The following ZFAND3 variants were observed in gnomAD, a reference collection of about 807,000 sequenced individuals.
ZFAND3 encodes zinc finger AN1-type containing 3.
ZFAND3 carries 10 observed loss-of-function variants against 29.6 expected under a neutral mutation model. That is an observed-to-expected ratio of 0.34 (90% confidence interval 0.21 to 0.57). The LOEUF is 0.57. Among genes scored for constraint, ZFAND3 ranks in the 20% least tolerant of loss-of-function variants. ZFAND3 has a pLI of 0.86. For synonymous variants in ZFAND3, 128 were observed against 112.6 expected, an observed-to-expected ratio of 1.14 and a Z score of -0.87; for missense variants, 230 against 304.5, an observed-to-expected ratio of 0.76 and a Z score of 1.82.
At position 37,877,571 on chromosome 6, in the gene ZFAND3, T is replaced by G. The variant is rs994232902; in HGVS notation, c.72-52388T>G. Among the ~76,000 whole-genome samples, 11 of 152,300 alleles carry G rather than the reference T, an allele frequency of 7.2e-5. 1 individual carries two copies. Among genetic ancestry groups the G allele is most frequent in the Admixed American group, 3.3e-4 (5 of 15,300 alleles). Reference sequence around the variant, plus strand: ...AGGAGTCAGAGATAATGCTTAGGTTTCTAGTTTAGCACTGAGCAATCCAGT... The same window carrying G: ...AGGAGTCAGAGATAATGCTTAGGTTGCTAGTTTAGCACTGAGCAATCCAGT... On this transcript the variant is annotated intron_variant, in intron 1 of 5. Coordinates refer to ENST00000287218, the MANE Select transcript of ZFAND3 (RefSeq NM_021943.3).
chr6:37,912,914 C>T (rs1765548067), intron 1 of ZFAND3, among the ~76,000 whole-genome samples: 1 of 152,168 alleles, frequency 6.6e-6, no homozygotes, highest in South Asian at 2.1e-4. Flanking sequence ...ACAAGTTACA[C>T]AAATTTTTTG....
At position 37,991,755 on chromosome 6, in the gene ZFAND3, T is replaced by C. The variant is rs189535582; in HGVS notation, c.112+61756T>C. Among the ~76,000 whole-genome samples, 3 of 152,246 alleles carry C rather than the reference T, an allele frequency of 2.0e-5. No homozygotes were observed. The East Asian group carries it at 5.8e-4, about 29-fold the overall frequency. ...ATTTAGCAAATATCCGAGTACCCAC[T>C]GTGTGTCTGTCAGTTTTCTTACGCT... On this transcript the variant is annotated intron_variant, in intron 2 of 5. Transcript: ENST00000287218.
intron 2 of ZFAND3, among the ~76,000 whole-genome samples, chr6:37,986,800 C>T (rs1485460413): frequency 6.6e-6 from 1 of 151,938 alleles, no homozygotes; most frequent in Non-Finnish European, 1.5e-5. Flanking sequence ...CATATTTTCC[C>T]CTCATTAAGA....
chr6:37,940,174 G>A (rs975520312), intron 2 of ZFAND3, among the ~76,000 whole-genome samples: 16 of 152,154 alleles, frequency 1.1e-4, no homozygotes, highest in African/African-American at 3.9e-4. Context: ...GACTTGTCAG[G>A]AATATGGATA....
intron 5 of ZFAND3, among the ~76,000 whole-genome samples, chr6:38,117,022 C>G (rs1203316010): frequency 6.6e-6 from 1 of 152,122 alleles, no homozygotes; most frequent in African/African-American, 2.4e-5. Context: ...TTTCAACTTC[C>G]CCCCACCACT....
chr6:37,945,851 T>G (rs1761891243), intron 2 of ZFAND3, among the ~76,000 whole-genome samples: 1 of 152,234 alleles, frequency 6.6e-6, no homozygotes, highest in Admixed American at 6.5e-5. Flanking sequence ...ATACTCTGAG[T>G]TTATGAAAAG....
chr6:37,908,444 G>A (rs542855557), intron 1 of ZFAND3, among the ~76,000 whole-genome samples: 3 of 149,800 alleles, frequency 2.0e-5, no homozygotes, highest in Non-Finnish European at 4.4e-5. Flanking sequence ...ATGCTGGTGC[G>A]CTGCACCCAC....
intron 4 of ZFAND3, among the ~76,000 whole-genome samples, chr6:38,106,753 A>G (rs963675259): frequency 5.3e-5 from 8 of 152,310 alleles, no homozygotes; most frequent in Middle Eastern, 3.4e-3. Flanking sequence ...TTGAGGGGAC[A>G]GCTCACTACT....
At position 38,074,885 on chromosome 6, in the gene ZFAND3, C is replaced by T. The variant is rs1472228167; in HGVS notation, c.296-7507C>T. 4.6e-5 allele frequency among the ~76,000 whole-genome samples: 7 copies of T among 152,182 alleles called. No homozygotes were observed. In the East Asian group the frequency reaches 1.3e-3, roughly 29 times the overall value. ...CCTAGGGCACTTAAGAATTCTGCTA[C>T]ATCCGCTCTGCCTGTGTTCTGTAAA... On this transcript the variant is annotated intron_variant, in intron 3 of 5. Transcript: ENST00000287218.
chr6:37,894,517 G>A (rs1431520828), intron 1 of ZFAND3, among the ~76,000 whole-genome samples: 1 of 151,828 alleles, frequency 6.6e-6, no homozygotes. Context: ...CTTAACCGGT[G>A]TGTGCCTTAC....
chr6:38,117,089 G>A (rs558058775), intron 5 of ZFAND3, among the ~76,000 whole-genome samples: 2 of 152,030 alleles, frequency 1.3e-5, no homozygotes, highest in Admixed American at 1.3e-4. Flanking sequence ...CAAAATTCTG[G>A]AGTATGTACC....
At chr6:38,025,209 T>G (rs1763424751) in intron 2 of ZFAND3, among the ~76,000 whole-genome samples, 1 of 152,206 alleles carries the variant, frequency 6.6e-6, no homozygotes, top group Non-Finnish European at 1.5e-5. Flanking sequence ...AAAAATTCAT[T>G]TTTCCTATAG....
chr6:37,957,311 A>G (rs1026149050), intron 2 of ZFAND3, among the ~76,000 whole-genome samples: 1 of 143,914 alleles, frequency 6.9e-6, no homozygotes, highest in African/African-American at 2.6e-5. Flanking sequence ...TTTGGCATCA[A>G]TTTTTTTTTT....
At chr6:37,948,861 G>T (rs1381703964) in intron 2 of ZFAND3, among the ~76,000 whole-genome samples, 1 of 152,074 alleles carries the variant, frequency 6.6e-6, no homozygotes. Flanking sequence ...TATCATTCTT[G>T]GGCATTTAGG....
At chr6:37,973,779 T>C (rs149489683) in intron 2 of ZFAND3, among the ~76,000 whole-genome samples, 1 of 152,342 alleles carries the variant, frequency 6.6e-6, no homozygotes, top group African/African-American at 2.4e-5. Flanking sequence ...TTCTTGATTT[T>C]TTCATGAAAT....
intron 4 of ZFAND3, among the ~76,000 whole-genome samples, chr6:38,093,698 C>T (rs988562086): frequency 2.6e-5 from 4 of 151,918 alleles, no homozygotes; most frequent in African/African-American, 7.3e-5. Context: ...AAAACCTGAA[C>T]GAAGTTTGTG....
chr6:37,898,685 G>T (rs1386171726), intron 1 of ZFAND3, among the ~76,000 whole-genome samples: 1 of 151,754 alleles, frequency 6.6e-6, no homozygotes, highest in Non-Finnish European at 1.5e-5. Flanking sequence ...TTATTTCTTG[G>T]TATTTGATAT....
At chr6:38,126,045 C>G (rs535644887) in intron 5 of ZFAND3, among the ~76,000 whole-genome samples, 1 of 152,274 alleles carries the variant, frequency 6.6e-6, no homozygotes, top group East Asian at 1.9e-4. Context: ...TACAATACTT[C>G]CATCATCCCA....
intron 5 of ZFAND3, among the ~76,000 whole-genome samples, chr6:38,147,021 C>A (rs563899519): frequency 6.6e-6 from 1 of 152,274 alleles, no homozygotes; most frequent in East Asian, 1.9e-4. Flanking sequence ...GTTAGGGTGT[C>A]TGTCACCCGA....
Sources: gnomAD v4.1 joint callset for allele counts (sites outside exome capture counted in the v4.1 genomes callset) on GRCh38, gnomAD v4.1.1 for gene constraint, MANE v1.5 for transcripts, NCBI Gene and HGNC (gene_info 2026-07-23, HGNC 2026-07-21) for gene names.